XYLT1: variants seen among roughly 807,000 people sequenced by gnomAD.
The protein encoded by XYLT1 is xylosyltransferase 1, also known as beta-D-xylosyltransferase 1.
XYLT1 carries 36 observed loss-of-function variants against 91.3 expected under a neutral mutation model. The ratio of observed to expected loss-of-function variants is 0.39; its 90% CI spans 0.30 to 0.52. XYLT1 has a LOEUF of 0.52. Among genes scored for constraint, XYLT1 ranks in the 20% least tolerant of loss-of-function variants. The pLI, the probability that XYLT1 is intolerant of heterozygous loss-of-function variation, is 0.68. For missense variants in XYLT1, 1,242 were observed against 1,284.5 expected, an observed-to-expected ratio of 0.97 and a Z score of 0.51; for synonymous variants, 588 against 532.0, an observed-to-expected ratio of 1.11 and a Z score of -1.45.
intron 1 of XYLT1, among the ~76,000 whole-genome samples, chr16:17,427,906 T>A (rs972314245): frequency 7.9e-5 from 12 of 152,030 alleles, no homozygotes; most frequent in African/African-American, 2.9e-4. Context: ...TTGTTTAGAG[T>A]TCAAACCTAT....
intron 1 of XYLT1, among the ~76,000 whole-genome samples, chr16:17,408,257 C>T (rs2036059530): frequency 6.6e-6 from 1 of 152,156 alleles, no homozygotes; most frequent in Non-Finnish European, 1.5e-5. Flanking sequence ...AAAGTGCATG[C>T]TAAGTAAGTG....
At chr16:17,401,651 T>C (rs1159585232) in intron 1 of XYLT1, among the ~76,000 whole-genome samples, 1 of 152,108 alleles carries the variant, frequency 6.6e-6, no homozygotes, top group African/African-American at 2.4e-5. Flanking sequence ...AAATGTATGC[T>C]AAGCACTCAG....
intron 1 of XYLT1, among the ~76,000 whole-genome samples, chr16:17,446,771 C>A (rs1198844947): frequency 6.6e-6 from 1 of 152,160 alleles, no homozygotes; most frequent in African/African-American, 2.4e-5. Context: ...GACTCCCACT[C>A]AGCCTGGAGA....
intron 1 of XYLT1, among the ~76,000 whole-genome samples, chr16:17,455,136 A>C (rs2036723826): frequency 6.6e-6 from 1 of 152,052 alleles, no homozygotes; most frequent in South Asian, 2.1e-4. Flanking sequence ...TGGGGTTAGA[A>C]GTCACGATAG....
chr16:17,399,444 C>G (rs935722161), intron 1 of XYLT1, among the ~76,000 whole-genome samples: 1 of 152,114 alleles, frequency 6.6e-6, no homozygotes, highest in Non-Finnish European at 1.5e-5. Context: ...CTGCTCCCTC[C>G]TCATTACACT....
intron 2 of XYLT1, among the ~76,000 whole-genome samples, chr16:17,310,009 G>T (rs1030861362): frequency 3.9e-5 from 6 of 152,294 alleles, no homozygotes; most frequent in African/African-American, 1.4e-4. Context: ...CTGGGAGTGG[G>T]AACACATCAT....
chr16:17,450,699 C>G (rs569212266), intron 1 of XYLT1, among the ~76,000 whole-genome samples: 1 of 152,320 alleles, frequency 6.6e-6, no homozygotes, highest in African/African-American at 2.4e-5. Context: ...TATCCTGACT[C>G]CTGAAAGTCG....
intron 3 of XYLT1, among the ~76,000 whole-genome samples, chr16:17,214,881 CA>C: frequency 6.6e-6 from 1 of 152,154 alleles, no homozygotes; most frequent in Non-Finnish European, 1.5e-5. Context: ...TCTGTGAAGC[CA>C]AAATGTTGTT....
intron 1 of XYLT1, among the ~76,000 whole-genome samples, chr16:17,449,962 A>T (rs1269669303): frequency 6.6e-6 from 1 of 152,236 alleles, no homozygotes; most frequent in Non-Finnish European, 1.5e-5. Context: ...ATTGTGTGCC[A>T]TTCACTGTTT....
intron 3 of XYLT1, among the ~76,000 whole-genome samples, chr16:17,247,982 G>GC (rs1247133267): frequency 1.3e-5 from 2 of 152,132 alleles, no homozygotes; most frequent in South Asian, 2.1e-4. Context: ...TGTGAGACCT[G>GC]CCCCCCAGTC....
intron 3 of XYLT1, among the ~76,000 whole-genome samples, chr16:17,225,892 T>G (rs2033055700): frequency 6.6e-6 from 1 of 152,192 alleles, no homozygotes; most frequent in Admixed American, 6.5e-5. Flanking sequence ...TTCATGTGGC[T>G]TAAGCAGATT....
chr16:17,117,916 T>C lies in XYLT1; in HGVS notation c.2287A>G (p.Met763Val), dbSNP rs145121977. Residue 763 changes from methionine (M) to valine (V), a missense_variant, in exon 11 of 12, where the codon ATG becomes GTG. Met to Val is a conservative substitution (Grantham distance 21). This residue lies in a region of XYLT1 where 511 missense variants were observed against 497.0 expected (regional missense o/e 1.03). Transcript: ENST00000261381. ...FRNFGGLLGPMDEPVGMQKWG... is the reference protein window; with the variant it reads ...FRNFGGLLGPVDEPVGMQKWG... ...TTCTGCATACCCACCGGCTCATCCA[T>C]GGGCCCCAGAAGACCCCCAAAGTTG... The C allele has an allele frequency of 2.4e-5, 39 of 1,613,990 alleles. No individual in the cohort carries two copies. The highest frequency in any genetic ancestry group is 3.1e-5 in the Non-Finnish European group (37 of 1,180,038).
At chr16:17,185,996 T>A (rs1392510490) in intron 5 of XYLT1, among the ~76,000 whole-genome samples, 1 of 152,168 alleles carries the variant, frequency 6.6e-6, no homozygotes, top group Non-Finnish European at 1.5e-5. Context: ...AGACTCTATC[T>A]CAAATATCTC....
At chr16:17,170,317 C>T (rs565088017) in intron 5 of XYLT1, among the ~76,000 whole-genome samples, 51 of 152,356 alleles carry the variant, frequency 3.3e-4, no homozygotes, top group African/African-American at 1.2e-3. Context: ...GTTCAAGTTG[C>T]TTGACTGTAA....
At chr16:17,135,149 G>A (rs775354551) in intron 8 of XYLT1, among the ~76,000 whole-genome samples, 29 of 149,190 alleles carry the variant, frequency 1.9e-4, no homozygotes, top group Non-Finnish European at 2.9e-4. Flanking sequence ...AAGAGTTCAC[G>A]GAAATTCTTT....
rs375040185 is a variant in XYLT1 at position 17,123,019 on chromosome 16, A to G, written c.2223+4647T>C. Reference sequence around the variant, plus strand: ...TAAGGTTGGGTAATGCAATGCCTCCAGATTTGTTCTTTTTGCTTAGTCTTG... The same window carrying G: ...TAAGGTTGGGTAATGCAATGCCTCCGGATTTGTTCTTTTTGCTTAGTCTTG... On this transcript the variant is annotated intron_variant, in intron 10 of 11. Transcript: ENST00000261381. Among the ~76,000 whole-genome samples the G allele has an allele frequency of 9.9e-4, 151 of 152,272 alleles. 2 individuals carry two copies. Among genetic ancestry groups the G allele is most frequent in the African/African-American group, 3.6e-3 (150 of 41,554 alleles).
chr16:17,221,627 T>C (rs2032969347), intron 3 of XYLT1, among the ~76,000 whole-genome samples: 1 of 152,154 alleles, frequency 6.6e-6, no homozygotes. Context: ...TAGTCCCAGC[T>C]CTTCGGGAGG....
At chr16:17,387,431 GATTA>G (rs1567404728) in intron 1 of XYLT1, among the ~76,000 whole-genome samples, 1 of 152,218 alleles carries the variant, frequency 6.6e-6, no homozygotes. Context: ...AAGCACTAGT[GATTA>G]ATTAGGTAAC....
intron 2 of XYLT1, among the ~76,000 whole-genome samples, chr16:17,353,599 G>A (rs1179448627): frequency 1.3e-5 from 2 of 152,162 alleles, no homozygotes; most frequent in Non-Finnish European, 2.9e-5. Flanking sequence ...CTGACAAACT[G>A]TCAAAGATAA....
Sources: allele counts gnomAD v4.1 joint callset (sites outside exome capture counted in the v4.1 genomes callset), GRCh38; gene constraint gnomAD v4.1.1; regional missense constraint gnomAD v4.1.1; transcripts MANE v1.5; gene names NCBI Gene and HGNC (gene_info 2026-07-23, HGNC 2026-07-21).